The following EPB41 variants were observed in gnomAD, a reference collection of about 807,000 sequenced individuals.
EPB41 encodes protein 4.1.
In EPB41, 65 loss-of-function variants were observed where a neutral mutation model predicts 108.0. The ratio of observed to expected loss-of-function variants is 0.60; its 90% CI spans 0.49 to 0.74. The LOEUF (loss-of-function observed/expected upper bound fraction) is 0.74, where lower values mean the gene tolerates loss of function less well. Among genes scored for constraint, EPB41 ranks in the 30% least tolerant of loss-of-function variants. The pLI, the probability that EPB41 is intolerant of heterozygous loss-of-function variation, is 0.00. For missense variants in EPB41, 875 were observed against 1,037.0 expected (o/e 0.84, Z 2.15); for synonymous variants, 336 against 358.9 (o/e 0.94, Z 0.72).
intron 1 of EPB41, among the ~76,000 whole-genome samples, chr1:28,920,435 A>G (rs1209096573): frequency 6.6e-6 from 1 of 152,170 alleles, no homozygotes; most frequent in Non-Finnish European, 1.5e-5. Flanking sequence ...GGCCCTCTAT[A>G]TGTTTGAATC....
chr1:28,998,089 T>G (rs947972869), intron 4 of EPB41, among the ~76,000 whole-genome samples: 6 of 152,198 alleles, frequency 3.9e-5, no homozygotes, highest in Non-Finnish European at 8.8e-5. Flanking sequence ...GAACTTCCAG[T>G]TTATTATGAA....
intron 16 of EPB41, among the ~76,000 whole-genome samples, chr1:29,088,492 G>T (rs1313748700): frequency 6.6e-6 from 1 of 152,138 alleles, no homozygotes; most frequent in East Asian, 1.9e-4. Context: ...TACTTGAGAA[G>T]ATCCCTTTAA....
Position 28,887,337 on chromosome 1 carries a change from G to A in EPB41, c.-8+127G>A. The stretch of plus-strand genomic sequence containing the variant: ...CGAGACCAGGGTCGAAGGGTCCAGG[G>A]CTGAGGGGTCCAGCGGTCCCGAATT... On this transcript the variant is annotated intron_variant, in intron 1 of 16. Transcript: ENST00000347529. The surrounding 1 kb of genome is among the most constrained non-coding windows in gnomAD (Gnocchi z 4.9). 8.6e-7 allele frequency: 1 copy of A among 1,167,512 alleles called. No homozygotes were observed. Among genetic ancestry groups the A allele is most frequent in the Non-Finnish European group, 1.1e-6 (1 of 931,296 alleles). The allele number at this position is 1,167,512 out of a possible 1,614,324, so 72.3% of individuals were successfully genotyped here. A position where few individuals can be genotyped will look rare whatever the true frequency, so the allele number is the denominator to read the frequency against.
At chr1:29,001,278 C>G (rs938014944) in intron 4 of EPB41, among the ~76,000 whole-genome samples, 4 of 152,070 alleles carry the variant, frequency 2.6e-5, no homozygotes, top group African/African-American at 9.7e-5. Flanking sequence ...CGCAGGGAGC[C>G]GAGGTCACGC....
chr1:29,033,665 G>A (rs980082736), intron 9 of EPB41, among the ~76,000 whole-genome samples: 1 of 152,088 alleles, frequency 6.6e-6, no homozygotes, highest in Non-Finnish European at 1.5e-5. Context: ...TGGTTACTGA[G>A]AGTGAGTTCT....
intron 1 of EPB41, among the ~76,000 whole-genome samples, chr1:28,954,222 T>C (rs1028090893): frequency 2.0e-5 from 3 of 152,198 alleles, no homozygotes; most frequent in Admixed American, 6.5e-5. Context: ...TTTAGGCACA[T>C]GGTTAGGAAG....
At chr1:28,994,649 A>ATTTATTTG (rs1447256503) in intron 3 of EPB41, among the ~76,000 whole-genome samples, 1 of 148,660 alleles carries the variant, frequency 6.7e-6, no homozygotes, top group Admixed American at 6.7e-5. Context: ...TTATTTATTT[A>ATTTATTTG]TTTATTTATT....
chr1:29,075,813 C>T (rs1490171119), intron 16 of EPB41, among the ~76,000 whole-genome samples: 1 of 152,106 alleles, frequency 6.6e-6, no homozygotes, highest in African/African-American at 2.4e-5. Flanking sequence ...TTATATATTA[C>T]AAGGATGCAA....
intron 1 of EPB41, among the ~76,000 whole-genome samples, chr1:28,933,386 T>A (rs1023875871): frequency 2.0e-5 from 3 of 152,218 alleles, no homozygotes; most frequent in Non-Finnish European, 2.9e-5. Flanking sequence ...TTATCTAAGG[T>A]CATGAAGCTA....
At chr1:28,937,458 G>C (rs181815758) in intron 1 of EPB41, among the ~76,000 whole-genome samples, 266 of 152,160 alleles carry the variant, frequency 1.7e-3, no homozygotes, top group African/African-American at 6.2e-3. Flanking sequence ...GCAATGGCGC[G>C]ATCTAGGCTT....
At chr1:28,904,859 C>T (rs1230350983) in intron 1 of EPB41, among the ~76,000 whole-genome samples, 1 of 151,834 alleles carries the variant, frequency 6.6e-6, no homozygotes, top group African/African-American at 2.4e-5. Flanking sequence ...CGGTGAAACC[C>T]CATCTCTAAA....
At chr1:29,031,689 G>GT (rs1324256713) in intron 8 of EPB41, 1 of 152,118 alleles carries the variant, frequency 6.6e-6, no homozygotes, top group Non-Finnish European at 1.5e-5. Flanking sequence ...AACCACTTGG[G>GT]TAGGGCCCTG....
chr1:29,076,183 A>G (rs1370450820), intron 16 of EPB41, among the ~76,000 whole-genome samples: 1 of 152,208 alleles, frequency 6.6e-6, no homozygotes, highest in African/African-American at 2.4e-5. Flanking sequence ...ACCATCTGCT[A>G]TTCAGATCTA....
At chr1:28,920,467 A>G (rs1044863469) in intron 1 of EPB41, among the ~76,000 whole-genome samples, 11 of 152,142 alleles carry the variant, frequency 7.2e-5, no homozygotes, top group Non-Finnish European at 1.5e-4. Flanking sequence ...CACAACATAG[A>G]CTGAGGTTTT....
chr1:29,106,039 C>CG (rs1188789944), intron 17 of EPB41, among the ~76,000 whole-genome samples: 2 of 152,130 alleles, frequency 1.3e-5, no homozygotes, highest in Non-Finnish European at 2.9e-5. Flanking sequence ...CATGAGCCAC[C>CG]GTGCCTGGCC....
intron 2 of EPB41, among the ~76,000 whole-genome samples, chr1:28,991,479 G>A (rs1303375491): frequency 6.6e-6 from 1 of 151,776 alleles, no homozygotes; most frequent in African/African-American, 2.4e-5. Context: ...TGAGGCAGGA[G>A]GATCACTAGA....
intron 16 of EPB41, among the ~76,000 whole-genome samples, chr1:29,093,860 A>G (rs983875238): frequency 2.0e-5 from 3 of 152,156 alleles, no homozygotes; most frequent in African/African-American, 7.2e-5. Context: ...AGCCAAGATC[A>G]CACCACTACA....
intron 16 of EPB41, among the ~76,000 whole-genome samples, chr1:29,075,084 G>A (rs910831864): frequency 9.9e-5 from 15 of 151,088 alleles, no homozygotes; most frequent in African/African-American, 3.7e-4. Context: ...ATGAACCTGG[G>A]AGGCGGAGCT....
chr1:29,020,628 C>G (rs1157398459), intron 7 of EPB41, among the ~76,000 whole-genome samples: 2 of 151,596 alleles, frequency 1.3e-5, no homozygotes, highest in Non-Finnish European at 2.9e-5. Context: ...ATGATGATGT[C>G]AGATTGTGAT....
Sources: gnomAD v4.1 joint callset for allele counts (sites outside exome capture counted in the v4.1 genomes callset) on GRCh38, gnomAD v4.1.1 for gene constraint, Gnocchi (gnomAD v3.1) non-coding constraint, MANE v1.5 for transcripts, NCBI Gene and HGNC (gene_info 2026-07-23, HGNC 2026-07-21) for gene names.